SDHB: variants seen among roughly 807,000 people sequenced by gnomAD.
The protein encoded by SDHB is succinate dehydrogenase complex iron sulfur subunit B.
A neutral mutation model predicts 39.7 loss-of-function variants in SDHB; 21 were observed. The observed-to-expected ratio is 0.53, with a 90% CI of 0.37 to 0.76. SDHB has a LOEUF of 0.76. SDHB is among the 30% of genes least tolerant of loss of function. SDHB has a pLI of 0.00. For synonymous variants in SDHB, 118 were observed against 117.0 expected (o/e 1.01, Z -0.06); for missense variants, 343 against 350.9 (o/e 0.98, Z 0.18).
chr1:17,025,926 A>G (rs2077989126), intron 5 of SDHB, among the ~76,000 whole-genome samples: 1 of 152,228 alleles, frequency 6.6e-6, no homozygotes, highest in South Asian at 2.1e-4. Flanking sequence ...TCACTGGAGC[A>G]TGGATTTCAG....
At chr1:17,031,191 C>G (rs1252454763) in intron 3 of SDHB, among the ~76,000 whole-genome samples, 1 of 151,986 alleles carries the variant, frequency 6.6e-6, no homozygotes. Context: ...TAAGCAAATA[C>G]TCCTAGAGTT....
At chr1:17,033,644 A>G (rs6664408) in intron 2 of SDHB, among the ~76,000 whole-genome samples, 22,634 of 152,278 alleles carry the variant, frequency 0.15, 2,514 homozygotes, top group African/African-American at 0.31. Context: ...GTGACATGGT[A>G]CTAAGCGGAG....
At position 17,028,553 on chromosome 1, in the gene SDHB, GC is replaced by G. The variant is rs758672761; in HGVS notation, c.423+46del. 1.2e-5 allele frequency: 19 copies of G among 1,602,454 alleles called. No individual in the cohort carries two copies. In the African/African-American group the frequency reaches 2.3e-4, roughly 19 times the overall value. ...CTAATAGCGTAACACACATAGCACT[GC>G]CCCCCATGCAAATAAAAACAAAACC... On this transcript the variant is annotated intron_variant, in intron 4 of 7. Coordinates refer to ENST00000375499, the MANE Select transcript of SDHB (RefSeq NM_003000.3).
At chr1:17,031,161 G>A (rs1403447491) in intron 3 of SDHB, among the ~76,000 whole-genome samples, 1 of 151,848 alleles carries the variant, frequency 6.6e-6, no homozygotes, top group African/African-American at 2.4e-5. Context: ...AAGAGTGTAA[G>A]GGAACCCAAA....
Position 17,019,704 on chromosome 1 carries a change from G to T in SDHB, c.766-746C>A, listed in dbSNP as rs12085825. On this transcript the variant is annotated intron_variant, in intron 7 of 7. Transcript: ENST00000375499. ...AGTGTTGTGGAAAGAAAGAAGAAAAGGAAAGAAAGAAAAGAGATCTTGAGA... is the reference window on the plus strand; with the variant it reads ...AGTGTTGTGGAAAGAAAGAAGAAAATGAAAGAAAGAAAAGAGATCTTGAGA... 2.4e-3 allele frequency among the ~76,000 whole-genome samples: 369 copies of T among 152,048 alleles called. 3 individuals are homozygous for T. The highest frequency in any genetic ancestry group is 8.5e-3 in the African/African-American group (353 of 41,482).
chr1:17,019,453 CA>C (rs2077948969), intron 7 of SDHB, among the ~76,000 whole-genome samples: 1 of 152,174 alleles, frequency 6.6e-6, no homozygotes, highest in Non-Finnish European at 1.5e-5. Context: ...TGGCCAATAC[CA>C]TTGGTATTAG....
intron 1 of SDHB, among the ~76,000 whole-genome samples, chr1:17,051,718 G>A (rs1445288318): frequency 1.3e-5 from 2 of 151,950 alleles, no homozygotes; most frequent in Non-Finnish European, 2.9e-5. Flanking sequence ...CAAGTTTCTA[G>A]CATAGCCCAG....
chr1:17,045,275 T>G (rs756847570), intron 1 of SDHB: 3 of 278,018 alleles, frequency 1.1e-5, no homozygotes, highest in Non-Finnish European at 2.1e-5. Flanking sequence ...CTTCCTCACA[T>G]GTCATCTAAG....
chr1:17,046,482 T>C (rs1329039290), intron 1 of SDHB, among the ~76,000 whole-genome samples: 1 of 152,178 alleles, frequency 6.6e-6, no homozygotes, highest in Non-Finnish European at 1.5e-5. Context: ...CAACAGAGTA[T>C]TTCCATCCAA....
intron 4 of SDHB, 122 bp downstream of exon 4, chr1:17,028,478 C>T: frequency 1.0e-6 from 1 of 990,274 alleles, no homozygotes; most frequent in Non-Finnish European, 1.6e-6. Flanking sequence ...TATTTACTAT[C>T]TGACTAGAAG....
chr1:17,019,859 A>C (rs989668462), intron 7 of SDHB, among the ~76,000 whole-genome samples: 1 of 152,158 alleles, frequency 6.6e-6, no homozygotes, highest in Non-Finnish European at 1.5e-5. Context: ...CAGCCTCTCA[A>C]GTAACTGAAA....
intron 7 of SDHB, 72 bp downstream of exon 7, chr1:17,022,536 C>T (rs1360088008): frequency 2.5e-6 from 4 of 1,598,300 alleles, no homozygotes; most frequent in Non-Finnish European, 3.4e-6. Context: ...TGCCAATCAC[C>T]TCTTTGTGAG....
chr1:17,022,346 G>GT (rs1380607179), intron 7 of SDHB, among the ~76,000 whole-genome samples: 1 of 152,144 alleles, frequency 6.6e-6, no homozygotes, highest in East Asian at 1.9e-4. Flanking sequence ...CTGCTCATGG[G>GT]TTCCTGTGCA....
In SDHB at chr1:17,050,479, T is replaced by A. The variant is rs138471496; in HGVS notation, c.72+3469A>T. On this transcript the variant is annotated intron_variant, in intron 1 of 7. Transcript: ENST00000375499. Reference sequence around the variant, plus strand: ...GCCTGGCCAACACGGTGAAACCCCGTCTCTACTAAAAATACAAAAAAATTA... The same window carrying A: ...GCCTGGCCAACACGGTGAAACCCCGACTCTACTAAAAATACAAAAAAATTA... Among the ~76,000 whole-genome samples, 137 of 151,872 alleles carry A rather than the reference T, an allele frequency of 9.0e-4. No individual in the cohort carries two copies. The East Asian group carries it at 0.016, about 17-fold the overall frequency.
At chr1:17,019,023 C>T in intron 7 of SDHB, 65 bp from the exon 8 acceptor site, 4 of 1,280,690 alleles carry the variant, frequency 3.1e-6, no homozygotes, top group Non-Finnish European at 4.5e-6. Context: ...AACCCACAAT[C>T]TTGGGTGAAA....
rs143308084 is a variant in SDHB, at chr1:17,034,672, G to A, written c.201-1527C>T. ...TGGGATTACAGGTGTGAGCGACTGC[G>A]TCTGGCCCATTATCTGTATTTGTAT... On this transcript the variant is annotated intron_variant, in intron 2 of 7. Transcript: ENST00000375499. Among the ~76,000 whole-genome samples the A allele has an allele frequency of 3.9e-3, 599 of 152,210 alleles. 2 individuals carry two copies. Among genetic ancestry groups the A allele is most frequent in the African/African-American group, 0.014 (562 of 41,534 alleles).
At chr1:17,027,566 C>T in intron 5 of SDHB, 183 bp downstream of exon 5, 2 of 629,112 alleles carry the variant, frequency 3.2e-6, no homozygotes, top group Non-Finnish European at 5.8e-6. Flanking sequence ...CCACTCTGGG[C>T]CATTCACGGG....
intron 1 of SDHB, among the ~76,000 whole-genome samples, chr1:17,051,744 C>G (rs1055433294): frequency 6.6e-6 from 1 of 152,032 alleles, no homozygotes; most frequent in Non-Finnish European, 1.5e-5. Context: ...AATTTTTGCT[C>G]TACAAGATTG....
At chr1:17,039,556 G>T (rs989981754) in intron 2 of SDHB, among the ~76,000 whole-genome samples, 3 of 151,970 alleles carry the variant, frequency 2.0e-5, no homozygotes, top group Admixed American at 6.6e-5. Flanking sequence ...GCCTGGGAGG[G>T]TTTAGTGAGC....
Sources: allele counts gnomAD v4.1 joint callset (sites outside exome capture counted in the v4.1 genomes callset), GRCh38; gene constraint gnomAD v4.1.1; transcripts MANE v1.5; gene names NCBI Gene and HGNC (gene_info 2026-07-23, HGNC 2026-07-21).